Variants in THRB observed in about 807,000 individuals in gnomAD.
THRB encodes the protein nuclear receptor subfamily 1 group A member 2.
Under a neutral mutation model 47.8 loss-of-function variants are expected in THRB, and 12 were observed. The observed-to-expected ratio is 0.25, with a 90% CI of 0.16 to 0.41. THRB has a LOEUF of 0.41. Among genes scored for constraint, THRB ranks in the 10% least tolerant of loss-of-function variants. THRB has a pLI of 1.00. For synonymous variants in THRB, 218 were observed against 212.2 expected (o/e 1.03, Z -0.24); for missense variants, 348 against 589.2 (o/e 0.59, Z 4.24).
At chr3:24,208,988 A>T (rs1467270818) in intron 4 of THRB, among the ~76,000 whole-genome samples, 1 of 152,232 alleles carries the variant, frequency 6.6e-6, no homozygotes, top group African/African-American at 2.4e-5. Context: ...ACTCAAACTT[A>T]CAAGAAAAAA....
intron 3 of THRB, among the ~76,000 whole-genome samples, chr3:24,259,563 C>T (rs2051708781): frequency 6.8e-6 from 1 of 146,448 alleles, no homozygotes; most frequent in South Asian, 2.2e-4. Context: ...TTAACAGCCA[C>T]TTTGGTCCAA....
chr3:24,214,020 T>C (rs1429734914), intron 4 of THRB, among the ~76,000 whole-genome samples: 1 of 152,226 alleles, frequency 6.6e-6, no homozygotes, highest in Non-Finnish European at 1.5e-5. Context: ...GCTATGCACA[T>C]TCTGTTATTT....
intron 4 of THRB, among the ~76,000 whole-genome samples, chr3:24,217,053 T>G (rs1270658963): frequency 6.7e-6 from 1 of 149,918 alleles, no homozygotes; most frequent in Non-Finnish European, 1.5e-5. Flanking sequence ...TAAGTAGGAA[T>G]TACACTCTTA....
In THRB at chr3:24,315,709, A is replaced by G. The variant is rs9841898; in HGVS notation, c.-188-18338T>C. Among the ~76,000 whole-genome samples the G allele has an allele frequency of 3.4e-3, 512 of 152,322 alleles. 2 individuals are homozygous for G. The highest frequency in any genetic ancestry group is 0.012 in the African/African-American group (481 of 41,568). On this transcript the variant is annotated intron_variant, in intron 2 of 10. Coordinates refer to ENST00000646209, the MANE Select transcript of THRB (RefSeq NM_001354712.2). ...CTGACATGCTACCTTATCCACATCT[A>G]CATACCCTGTTACGATTAGAACTTT...
Position 24,167,975 on chromosome 3 carries a change from A to G in THRB, c.284-15485T>C, listed in dbSNP as rs1248230025. On this transcript the variant is annotated intron_variant, in intron 5 of 10. Transcript: ENST00000646209. ...TTTTTACTAAACGTCAGAAAGGTCA[A>G]CAGTATTTTTATTGAATTTAAAAAA... Among the ~76,000 whole-genome samples, 3 of 152,302 alleles carry G rather than the reference A, an allele frequency of 2.0e-5. No homozygotes were observed. The East Asian group carries it at 5.8e-4, about 29-fold the overall frequency.
intron 1 of THRB, among the ~76,000 whole-genome samples, chr3:24,373,587 G>A (rs1055029158): frequency 6.6e-6 from 1 of 152,060 alleles, no homozygotes; most frequent in Non-Finnish European, 1.5e-5. Context: ...AATAGATGAA[G>A]CGGCTGGGAA....
upstream of THRB, chr3:24,495,548 G>C: frequency 6.6e-6 from 1 of 152,602 alleles, no homozygotes; most frequent in Non-Finnish European, 1.5e-5. Flanking sequence ...CGGTGCTGTG[G>C]GTTTGGTGGC....
At chr3:24,298,024 G>T (rs1195339948) in intron 2 of THRB, among the ~76,000 whole-genome samples, 1 of 152,098 alleles carries the variant, frequency 6.6e-6, no homozygotes, top group Non-Finnish European at 1.5e-5. Flanking sequence ...AAACTCTTAG[G>T]TCAGTTTGAT....
intron 2 of THRB, among the ~76,000 whole-genome samples, chr3:24,307,859 T>C (rs2057467622): frequency 6.6e-6 from 1 of 152,190 alleles, no homozygotes. Context: ...TATAAAAGGT[T>C]GCCTCCAGGA....
chr3:24,177,966 T>G (rs1319988423), intron 5 of THRB, among the ~76,000 whole-genome samples: 1 of 152,170 alleles, frequency 6.6e-6, no homozygotes, highest in East Asian at 1.9e-4. Context: ...CTTCAGACCG[T>G]GGACAATGTG....
intron 3 of THRB, among the ~76,000 whole-genome samples, chr3:24,287,123 A>G (rs960737306): frequency 1.3e-5 from 2 of 152,180 alleles, no homozygotes; most frequent in Non-Finnish European, 2.9e-5. Flanking sequence ...TGCAGACCCA[A>G]TGCAGTGGGT....
chr3:24,163,088 T>C (rs1351583268), intron 5 of THRB, among the ~76,000 whole-genome samples: 1 of 152,160 alleles, frequency 6.6e-6, no homozygotes, highest in Non-Finnish European at 1.5e-5. Context: ...AACGAGACAC[T>C]ACTGATGTCA....
chr3:24,264,489 C>G (rs937298479), intron 3 of THRB, among the ~76,000 whole-genome samples: 6 of 146,832 alleles, frequency 4.1e-5, no homozygotes, highest in Admixed American at 2.0e-4. Flanking sequence ...CTTTATATGT[C>G]TTAAATTATC....
In THRB at chr3:24,377,006, C is replaced by T. The variant is rs144477398; in HGVS notation, c.-260-39635G>A. Among the ~76,000 whole-genome samples the T allele has an allele frequency of 1.4e-3, 208 of 152,186 alleles. 3 individuals carry two copies. The highest frequency in any genetic ancestry group is 2.1e-3 in the African/African-American group (86 of 41,514). On this transcript the variant is annotated intron_variant, in intron 1 of 10. Transcript: ENST00000646209. Reference sequence around the variant, plus strand: ...AGGCTACAGTGCAGTGGCATGATGGCGGCTCACTGTAGCTTTGGCCTCCTA... The same window carrying T: ...AGGCTACAGTGCAGTGGCATGATGGTGGCTCACTGTAGCTTTGGCCTCCTA...
At chr3:24,482,333 T>G (rs1442009159) in intron 1 of THRB, among the ~76,000 whole-genome samples, 2 of 152,200 alleles carry the variant, frequency 1.3e-5, no homozygotes, top group African/African-American at 2.4e-5. Context: ...ATACCAACAT[T>G]CTTTCCCTTG....
intron 4 of THRB, among the ~76,000 whole-genome samples, chr3:24,203,380 G>A (rs946090643): frequency 6.6e-6 from 1 of 152,146 alleles, no homozygotes. Context: ...TCCAGCTTGG[G>A]TGACACAGTG....
intron 3 of THRB, among the ~76,000 whole-genome samples, chr3:24,257,554 A>T (rs2051427046): frequency 6.6e-6 from 1 of 152,220 alleles, no homozygotes; most frequent in Non-Finnish European, 1.5e-5. Flanking sequence ...GTGTTGGCAA[A>T]TTTTATCTGA....
At chr3:24,319,406 A>T (rs949509617) in intron 2 of THRB, among the ~76,000 whole-genome samples, 1 of 152,246 alleles carries the variant, frequency 6.6e-6, no homozygotes, top group African/African-American at 2.4e-5. Context: ...TAAAATACTG[A>T]CATATGTAAC....
At chr3:24,454,811 T>G (rs1471144908) in intron 1 of THRB, among the ~76,000 whole-genome samples, 2 of 152,192 alleles carry the variant, frequency 1.3e-5, no homozygotes, top group African/African-American at 2.4e-5. Flanking sequence ...TAGTCTCTGA[T>G]TTTAGAGGAA....
Sources: gnomAD v4.1 joint callset for allele counts (sites outside exome capture counted in the v4.1 genomes callset) on GRCh38, gnomAD v4.1.1 for gene constraint, MANE v1.5 for transcripts, NCBI Gene and HGNC (gene_info 2026-07-23, HGNC 2026-07-21) for gene names.